RARB: variants seen among roughly 807,000 people sequenced by gnomAD.
RARB encodes the protein HBV-activated protein.
RARB carries 17 observed loss-of-function variants against 51.9 expected under a neutral mutation model. The ratio of observed to expected loss-of-function variants is 0.33; its 90% CI spans 0.22 to 0.49. RARB has a LOEUF of 0.49. RARB is among the 20% of genes least tolerant of loss of function. RARB has a pLI of 0.99. For synonymous variants in RARB, 215 were observed against 195.4 expected, an observed-to-expected ratio of 1.10 and a Z score of -0.84; for missense variants, 369 against 550.8, an observed-to-expected ratio of 0.67 and a Z score of 3.30.
intron 5 of RARB, among the ~76,000 whole-genome samples, chr3:25,234,815 ACT>A: frequency 6.6e-6 from 1 of 151,516 alleles, no homozygotes; most frequent in East Asian, 1.9e-4. Flanking sequence ...TTTCATGCAC[ACT>A]CTTCAGCCCA....
chr3:24,963,586 AT>A (rs1394216013), intron 2 of RARB, among the ~76,000 whole-genome samples: 3 of 151,710 alleles, frequency 2.0e-5, no homozygotes, highest in Non-Finnish European at 4.4e-5. Flanking sequence ...AATTCTCCAA[AT>A]CCTGAAAAAC....
intron 2 of RARB, among the ~76,000 whole-genome samples, chr3:24,875,121 A>T (rs1249279375): frequency 6.6e-6 from 1 of 152,108 alleles, no homozygotes; most frequent in Non-Finnish European, 1.5e-5. Flanking sequence ...TAACATTTGA[A>T]TTTTTAAAAA....
intron 3 of RARB, among the ~76,000 whole-genome samples, chr3:25,563,660 G>C (rs964757828): frequency 6.6e-6 from 1 of 152,214 alleles, no homozygotes. Flanking sequence ...TCGTTTACAT[G>C]ATGAGATTAG....
At chr3:25,129,870 G>A (rs937333531) in intron 3 of RARB, among the ~76,000 whole-genome samples, 1 of 152,012 alleles carries the variant, frequency 6.6e-6, no homozygotes, top group Non-Finnish European at 1.5e-5. Context: ...ATTAGAAATT[G>A]TTTAGGAGTG....
chr3:25,140,632 C>T (rs1700093546), intron 4 of RARB, among the ~76,000 whole-genome samples: 1 of 152,144 alleles, frequency 6.6e-6, no homozygotes. Context: ...ATTCCATAAA[C>T]TTAGTTGATA....
chr3:24,917,647 C>G (rs1334720095), intron 2 of RARB, among the ~76,000 whole-genome samples: 1 of 152,218 alleles, frequency 6.6e-6, no homozygotes, highest in African/African-American at 2.4e-5. Context: ...TCTCCTGCCT[C>G]AGCCTCCCAA....
At chr3:25,423,867 C>G (rs1707921358), upstream of RARB, among the ~76,000 whole-genome samples, 1 of 152,236 alleles carries the variant, frequency 6.6e-6, no homozygotes, top group Non-Finnish European at 1.5e-5. Context: ...GTTCGCAGCT[C>G]ACTGCTCAGT....
chr3:25,033,362 C>G (rs4858687), intron 2 of RARB, among the ~76,000 whole-genome samples: 95,127 of 151,954 alleles, frequency 0.63, 30,467 homozygotes, highest in East Asian at 0.93. Flanking sequence ...GAAATTAGAC[C>G]TTCCCAGTCA....
chr3:24,876,783 T>C (rs1159365542), intron 2 of RARB, among the ~76,000 whole-genome samples: 1 of 152,148 alleles, frequency 6.6e-6, no homozygotes, highest in African/African-American at 2.4e-5. Flanking sequence ...AAAATTTTCT[T>C]ACGTATGGAA....
At chr3:25,022,544 G>A (rs901873233) in intron 2 of RARB, among the ~76,000 whole-genome samples, 2 of 152,198 alleles carry the variant, frequency 1.3e-5, no homozygotes, top group East Asian at 3.9e-4. Context: ...GTATCATTTT[G>A]CATTTTTACT....
intron 2 of RARB, among the ~76,000 whole-genome samples, chr3:25,041,145 T>G (rs887284947): frequency 6.6e-6 from 1 of 152,214 alleles, no homozygotes; most frequent in Non-Finnish European, 1.5e-5. Context: ...ATTCCATATT[T>G]AATAACAAAA....
intron 2 of RARB, among the ~76,000 whole-genome samples, chr3:24,901,018 TC>T (rs1703594666): frequency 6.6e-6 from 1 of 152,194 alleles, no homozygotes; most frequent in East Asian, 1.9e-4. Context: ...TAGAGCCTCA[TC>T]TTTTGTGTTT....
At chr3:25,362,454 G>C (rs916020860) in intron 5 of RARB, among the ~76,000 whole-genome samples, 10 of 152,254 alleles carry the variant, frequency 6.6e-5, no homozygotes, top group Admixed American at 6.5e-4. Context: ...TGGCTCCCTG[G>C]CTTCAGCCCC....
intron 1 of RARB, among the ~76,000 whole-genome samples, chr3:25,451,888 A>T (rs1004460535): frequency 1.3e-5 from 2 of 152,258 alleles, no homozygotes; most frequent in African/African-American, 4.8e-5. Context: ...AGATAAAATA[A>T]TGTCATTTAT....
In RARB at chr3:25,159,855, C is replaced by G. The variant is rs921437449; in HGVS notation, c.-279-14264C>G. Among the ~76,000 whole-genome samples, 64 of 152,080 alleles carry G rather than the reference C, an allele frequency of 4.2e-4. 4 individuals are homozygous for G. The highest frequency in any genetic ancestry group is 6.6e-5 in the Admixed American group (1 of 15,266). ...ATGAGGTTAAACTTTTATTTTTCTT[C>G]TAGGTACTAACACCCCAAACACCCA... is the stretch of plus-strand genomic sequence containing the variant. On this transcript the variant is annotated intron_variant, in intron 4 of 11. Transcript: ENST00000383772.
rs565905829 is a variant in RARB at position 25,370,072 on chromosome 3, AGT to A, written c.179-91116_179-91115del. Among the ~76,000 whole-genome samples, 37 of 152,308 alleles carry A rather than the reference AGT, an allele frequency of 2.4e-4. 1 individual carries two copies. In the South Asian group the frequency reaches 7.7e-3, roughly 32 times the overall value. On this transcript the variant is annotated intron_variant, in intron 5 of 11. Coordinates refer to the RARB transcript ENST00000383772. ...ACCCTATGTATACATTTACAGAGAG[AGT>A]GTGTCATGTATGTGTGTATGCATAT...
chr3:24,966,019 G>C (rs941983611), intron 2 of RARB, among the ~76,000 whole-genome samples: 2 of 152,082 alleles, frequency 1.3e-5, no homozygotes, highest in African/African-American at 4.8e-5. Context: ...GGCCTGGTTA[G>C]CCTTATTAAA....
At chr3:24,929,820 T>G (rs953698342) in intron 2 of RARB, among the ~76,000 whole-genome samples, 2 of 152,112 alleles carry the variant, frequency 1.3e-5, no homozygotes, top group African/African-American at 2.4e-5. Context: ...GGCTGCTGTT[T>G]TGAGTTGACT....
intron 5 of RARB, among the ~76,000 whole-genome samples, chr3:25,367,453 G>C (rs912266492): frequency 5.3e-5 from 8 of 152,018 alleles, no homozygotes; most frequent in African/African-American, 1.9e-4. Context: ...ATCTACTTTA[G>C]GGTCCAAGCA....
Sources: gnomAD v4.1 joint callset for allele counts (sites outside exome capture counted in the v4.1 genomes callset) on GRCh38, gnomAD v4.1.1 for gene constraint, MANE v1.5 for transcripts, NCBI Gene and HGNC (gene_info 2026-07-23, HGNC 2026-07-21) for gene names.